Variants in PTER observed in about 807,000 individuals in gnomAD.
PTER encodes the protein phosphotriesterase related.
Under a neutral mutation model 29.6 loss-of-function variants are expected in PTER, and 38 were observed. The observed-to-expected ratio is 1.28, with a 90% CI of 0.99 to 1.68. The LOEUF (loss-of-function observed/expected upper bound fraction) is 1.68, where lower values mean the gene tolerates loss of function less well. Ranked by LOEUF, PTER falls within the 40% of genes most tolerant of loss-of-function variation. The pLI is 0.00. For missense variants in PTER, 482 were observed against 427.8 expected (o/e 1.13, Z -1.12); for synonymous variants, 172 against 154.5 (o/e 1.11, Z -0.84).
intron 1 of PTER, among the ~76,000 whole-genome samples, chr10:16,478,692 C>T (rs1251023789): frequency 6.6e-6 from 1 of 152,020 alleles, no homozygotes; most frequent in Non-Finnish European, 1.5e-5. Context: ...ATTTGGGAAG[C>T]CACTGGTACC....
rs564138192 is a variant in PTER, at chr10:16,508,185, C to T, written c.840-2861C>T. On this transcript the variant is annotated intron_variant, in intron 4 of 4. Coordinates refer to ENST00000535784, the MANE Select transcript of PTER (RefSeq NM_001261836.2). ...CCAGGTTCACGCCATTCTCCTACCT[C>T]AGCCTCCCGAGTAGCTGGGACTACA... 1.3e-4 allele frequency among the ~76,000 whole-genome samples: 19 copies of T among 151,176 alleles called. No individual in the cohort carries two copies. In the East Asian group the frequency reaches 3.7e-3, roughly 30 times the overall value.
At chr10:16,446,494 G>T (rs1263398782) in intron 1 of PTER, among the ~76,000 whole-genome samples, 1 of 152,224 alleles carries the variant, frequency 6.6e-6, no homozygotes, top group South Asian at 2.1e-4. Flanking sequence ...CTCTTTGCCT[G>T]TTAGTGTAGT....
At chr10:16,453,570 A>G (rs533561183) in intron 1 of PTER, among the ~76,000 whole-genome samples, 1 of 152,246 alleles carries the variant, frequency 6.6e-6, no homozygotes, top group Non-Finnish European at 1.5e-5. Context: ...ACAATCTGGA[A>G]CTTCTGGGTT....
intron 3 of PTER, 74 bp from the exon 4 acceptor site, chr10:16,504,946 C>A: frequency 1.3e-6 from 2 of 1,531,574 alleles, no homozygotes; most frequent in Non-Finnish European, 8.9e-7. Flanking sequence ...ACATTGTGTG[C>A]TTAAAACTTC....
intron 1 of PTER, among the ~76,000 whole-genome samples, chr10:16,438,330 T>C (rs545072808): frequency 1.8e-4 from 27 of 146,816 alleles, no homozygotes; most frequent in African/African-American, 6.8e-4. Flanking sequence ...TAGGTCTCAT[T>C]ATTTCACCAA....
intron 4 of PTER, among the ~76,000 whole-genome samples, chr10:16,509,463 T>C (rs1466111874): frequency 6.6e-6 from 1 of 152,194 alleles, no homozygotes; most frequent in East Asian, 1.9e-4. Context: ...ATGATCTGCC[T>C]TTATAGTGTG....
At position 16,484,786 on chromosome 10, in the gene PTER, C is replaced by T. The variant is rs1226621041; in HGVS notation, c.402C>T (p.Ser134=). Residue 134 remains serine (S), a synonymous_variant, in exon 2 of 5, where the codon TCC becomes TCT. Coordinates refer to ENST00000535784, the MANE Select transcript of PTER (RefSeq NM_001261836.2). ...GAGFYVDATH[S]SETRAMSVEQ... ...GGTTTTATGTGGATGCAACTCACTCCTCAGAGACCAGGGCCATGTCAGTGG... is the reference window on the plus strand; with the variant it reads ...GGTTTTATGTGGATGCAACTCACTCTTCAGAGACCAGGGCCATGTCAGTGG... 6.2e-7 allele frequency: 1 copy of T among 1,611,456 alleles called. No homozygotes were observed.
chr10:16,486,261 C>T (rs1486306012), intron 2 of PTER, 91 bp from the exon 3 acceptor site: 1 of 1,316,554 alleles, frequency 7.6e-7, no homozygotes, highest in Non-Finnish European at 1.0e-6. Context: ...GAATGAATGA[C>T]AAAATAAATA....
chr10:16,473,394 A>G, intron 1 of PTER, among the ~76,000 whole-genome samples: 1 of 151,970 alleles, frequency 6.6e-6, no homozygotes. Context: ...AACCAAATCT[A>G]TGCACAAATG....
intron 1 of PTER, among the ~76,000 whole-genome samples, chr10:16,449,285 A>G (rs939343564): frequency 6.6e-6 from 1 of 152,084 alleles, no homozygotes; most frequent in Non-Finnish European, 1.5e-5. Flanking sequence ...TGTCTAAGCC[A>G]ATTCTGCATT....
At chr10:16,475,697 G>A (rs946493260) in intron 1 of PTER, among the ~76,000 whole-genome samples, 1 of 152,150 alleles carries the variant, frequency 6.6e-6, no homozygotes. Flanking sequence ...CATCGAAAAC[G>A]TCATTTCCAG....
intron 1 of PTER, among the ~76,000 whole-genome samples, chr10:16,470,102 C>G (rs557308227): frequency 6.6e-6 from 1 of 152,192 alleles, no homozygotes; most frequent in South Asian, 2.1e-4. Flanking sequence ...TGTTCATAGT[C>G]AATATTTGGC....
At chr10:16,514,188 A>C (rs1404420948), downstream of PTER, 1 of 399,590 alleles carries the variant, frequency 2.5e-6, no homozygotes, top group Non-Finnish European at 4.4e-6. Flanking sequence ...CAGCAAGATC[A>C]CAGTACACCA....
At position 16,442,499 on chromosome 10, in the gene PTER, G is replaced by A. The variant is rs552085216; in HGVS notation, c.-49+5452G>A. On this transcript the variant is annotated intron_variant, in intron 1 of 4. Coordinates refer to ENST00000535784, the MANE Select transcript of PTER (RefSeq NM_001261836.2). ...TAAAAGTGTTAGGTTGGCCATGCAC[G>A]GTGGCTCATGCTGTAATCCCGGCAC... Among the ~76,000 whole-genome samples, 47 of 152,302 alleles carry A rather than the reference G, an allele frequency of 3.1e-4. No individual in the cohort carries two copies. In the South Asian group the frequency reaches 6.2e-3, roughly 20 times the overall value.
chr10:16,514,374 T>C (rs2133535487), downstream of PTER: 1 of 622,868 alleles, frequency 1.6e-6, no homozygotes, highest in Non-Finnish European at 2.8e-6. Flanking sequence ...TGTTTCTGAG[T>C]GATACAGATG....
intron 3 of PTER, among the ~76,000 whole-genome samples, chr10:16,492,093 G>A (rs996782437): frequency 1.3e-5 from 2 of 152,156 alleles, no homozygotes; most frequent in Non-Finnish European, 2.9e-5. Context: ...TCATGTGACC[G>A]TTGGTGACCT....
chr10:16,501,361 ACACACACATG>A lies in PTER; in HGVS notation c.699-3650_699-3641del, dbSNP rs1263386366. Among the ~76,000 whole-genome samples, 11 of 80,084 alleles carry A rather than the reference ACACACACATG, an allele frequency of 1.4e-4. No homozygotes were observed. In the East Asian group the frequency reaches 2.6e-3, roughly 19 times the overall value. The allele number at this position is 80,084 out of a possible 152,430, so 52.5% of individuals were successfully genotyped here. ...CACACACACACACACACACACACAC[ACACACACATG>A]CACACACACACACACACACCCCATA... On this transcript the variant is annotated intron_variant, in intron 3 of 4. Coordinates refer to ENST00000535784, the MANE Select transcript of PTER (RefSeq NM_001261836.2).
intron 1 of PTER, among the ~76,000 whole-genome samples, chr10:16,467,890 G>A (rs1211131638): frequency 2.6e-5 from 4 of 152,146 alleles, no homozygotes; most frequent in Admixed American, 2.6e-4. Context: ...AGCAAACCTG[G>A]CTTCAAAATC....
At chr10:16,500,709 A>G (rs533556125) in intron 3 of PTER, among the ~76,000 whole-genome samples, 5 of 152,238 alleles carry the variant, frequency 3.3e-5, no homozygotes, top group Admixed American at 6.5e-5. Flanking sequence ...TTGGGTCCCT[A>G]CAGTCCCTAT....
Sources: allele counts gnomAD v4.1 joint callset (sites outside exome capture counted in the v4.1 genomes callset), GRCh38; gene constraint gnomAD v4.1.1; transcripts MANE v1.5; gene names NCBI Gene and HGNC (gene_info 2026-07-23, HGNC 2026-07-21).